MAPKAPK2: variants seen among roughly 807,000 people sequenced by gnomAD.
MAPKAPK2 encodes MAPK activated protein kinase 2.
MAPKAPK2 carries 9 observed loss-of-function variants against 48.8 expected under a neutral mutation model. The ratio of observed to expected loss-of-function variants is 0.18; its 90% confidence interval spans 0.11 to 0.32. The LOEUF (loss-of-function observed/expected upper bound fraction) is 0.32, where lower values mean the gene tolerates loss of function less well. MAPKAPK2 is among the 10% of genes least tolerant of loss of function. MAPKAPK2 has a pLI of 1.00. For synonymous variants in MAPKAPK2, 202 were observed against 190.6 expected, an observed-to-expected ratio of 1.06 and a Z score of -0.49; for missense variants, 331 against 498.3, an observed-to-expected ratio of 0.66 and a Z score of 3.20.
At position 206,730,758 on chromosome 1, in the gene MAPKAPK2, C is replaced by T; in HGVS notation, c.762C>T (p.Tyr254=). ...TGTGGTCCCTGGGTGTCATCATGTA[C>T]ATCCTGTGAGTGTGCTGGGGAGGGG... ...CDMWSLGVIM[Y]ILLCGYPPFY... Residue 254 remains tyrosine, a synonymous_variant, in exon 6 of 10, where the codon TAC becomes TAT. Coordinates refer to ENST00000367103, the MANE Select transcript of MAPKAPK2 (RefSeq NM_032960.4). The T allele has an allele frequency of 9.4e-7, 1 of 1,063,722 alleles. No homozygotes were observed. The highest frequency in any genetic ancestry group is 1.4e-6 in the Non-Finnish European group (1 of 712,950). 65.9% of individuals were successfully genotyped at this position (1,063,722 alleles called of 1,614,324 possible).
chr1:206,716,673 T>G (rs1403623341), intron 1 of MAPKAPK2, among the ~76,000 whole-genome samples: 2 of 152,160 alleles, frequency 1.3e-5, no homozygotes, highest in Non-Finnish European at 2.9e-5. Flanking sequence ...AATTTTAGAT[T>G]TGCTTTGGCA....
chr1:206,728,634 T>A, intron 1 of MAPKAPK2, 76 bp from the exon 2 acceptor site: 4 of 1,528,672 alleles, frequency 2.6e-6, no homozygotes, highest in Non-Finnish European at 3.5e-6. Context: ...GGTGGCGATG[T>A]CAGGGCATGT....
At chr1:206,717,575 C>CCCTGGGAAG (rs1673375630) in intron 1 of MAPKAPK2, among the ~76,000 whole-genome samples, 1 of 152,216 alleles carries the variant, frequency 6.6e-6, no homozygotes, top group Non-Finnish European at 1.5e-5. Flanking sequence ...CTTAGGGTTA[C>CCCTGGGAAG]ATCCTCTGGG....
intron 1 of MAPKAPK2, among the ~76,000 whole-genome samples, chr1:206,722,250 C>T (rs1553431307): frequency 6.6e-6 from 1 of 152,044 alleles, no homozygotes; most frequent in African/African-American, 2.4e-5. Flanking sequence ...GTCCCAGCTA[C>T]TCGGGAAGCT....
intron 1 of MAPKAPK2, among the ~76,000 whole-genome samples, chr1:206,699,834 AG>A (rs1292792425): frequency 2.0e-5 from 3 of 152,166 alleles, no homozygotes; most frequent in African/African-American, 7.2e-5. Flanking sequence ...CCGTTAGTGC[AG>A]ATGGGAAAGT....
At chr1:206,698,030 C>G (rs1266929963) in intron 1 of MAPKAPK2, among the ~76,000 whole-genome samples, 2 of 152,242 alleles carry the variant, frequency 1.3e-5, no homozygotes, top group African/African-American at 4.8e-5. Context: ...TAACCTGATG[C>G]TGGGAAACAA....
In MAPKAPK2 at chr1:206,731,744, G is replaced by C. The variant is rs926328091; in HGVS notation, c.978+19G>C. 2 of 1,613,086 alleles carry C rather than the reference G, an allele frequency of 1.2e-6. No homozygotes were observed. The highest frequency in any genetic ancestry group is 2.7e-5 in the African/African-American group (2 of 74,862). ...GATCATGGTAAGCTCGGCAGGCTGGGGAGCCTTGGGTCTCACGGGACTATT... is the reference window on the plus strand; with the variant it reads ...GATCATGGTAAGCTCGGCAGGCTGGCGAGCCTTGGGTCTCACGGGACTATT... On this transcript the variant is annotated intron_variant, in intron 8 of 9. Transcript: ENST00000367103. The surrounding 1 kb of genome is among the most constrained non-coding windows in gnomAD (Gnocchi z 5.9).
At chr1:206,729,521 C>T (rs1673829634) in intron 4 of MAPKAPK2, 46 bp downstream of exon 4, 1 of 1,546,342 alleles carries the variant, frequency 6.5e-7, no homozygotes, top group African/African-American at 1.4e-5. Flanking sequence ...TGGGGGGCAA[C>T]AAAGGGGCTG....
rs782683739 is a variant in MAPKAPK2, at chr1:206,731,403, C to T, written c.892+141C>T. 6.1e-5 allele frequency: 89 copies of T among 1,453,916 alleles called. No individual in the cohort carries two copies. The Middle Eastern group carries it at 6.9e-4, about 11-fold the overall frequency. The allele number at this position is 1,453,916 out of a possible 1,614,324, so 90.1% of individuals were successfully genotyped here. Reference sequence around the variant, plus strand: ...GGGTTAGCACCTATGCCCACGCCTGCGGGGTGCGTCCTGCTTCATTTTGCC... The same window carrying T: ...GGGTTAGCACCTATGCCCACGCCTGTGGGGTGCGTCCTGCTTCATTTTGCC... On this transcript the variant is annotated intron_variant, in intron 7 of 9. Transcript: ENST00000367103. The surrounding 1 kb of genome is among the most constrained non-coding windows in gnomAD (Gnocchi z 5.9).
intron 6 of MAPKAPK2, 92 bp downstream of exon 6, chr1:206,730,855 C>A: frequency 1.5e-6 from 2 of 1,375,284 alleles, no homozygotes; most frequent in Admixed American, 3.4e-5. Context: ...CGTTAGCATT[C>A]CCCTTTGTAC....
chr1:206,688,121 T>C (rs1463089615), intron 1 of MAPKAPK2, among the ~76,000 whole-genome samples: 1 of 152,200 alleles, frequency 6.6e-6, no homozygotes, highest in East Asian at 1.9e-4. Context: ...TGCTTTGACC[T>C]CACCTCACCA....
Position 206,733,758 on chromosome 1 carries a change from G to A in MAPKAPK2, c.*1040G>A, listed in dbSNP as rs1477941740. 1 of 152,810 alleles carries A rather than the reference G, an allele frequency of 6.5e-6. No homozygotes were observed. Among genetic ancestry groups the A allele is most frequent in the Non-Finnish European group, 1.5e-5 (1 of 68,056 alleles). 9.5% of individuals were successfully genotyped at this position (152,810 alleles called of 1,614,324 possible). On this transcript the variant is annotated 3_prime_UTR_variant, in exon 10 of 10. Transcript: ENST00000367103. ...CCGCCCAGCTCATGTAGGTGAGCCT[G>A]GGCAGCTTCTGTTGGCAGAGCTTTT...
chr1:206,712,582 A>G (rs1234263013), intron 1 of MAPKAPK2, among the ~76,000 whole-genome samples: 2 of 143,994 alleles, frequency 1.4e-5, no homozygotes, highest in Non-Finnish European at 3.0e-5. Flanking sequence ...TGCCTCTCCC[A>G]TTGTTTTCTT....
intron 1 of MAPKAPK2, among the ~76,000 whole-genome samples, chr1:206,693,011 T>C (rs1672504551): frequency 6.6e-6 from 1 of 152,350 alleles, no homozygotes; most frequent in Middle Eastern, 3.4e-3. Context: ...GGGGAGGGGC[T>C]GAACAGGAGA....
chr1:206,728,922 C>T, intron 2 of MAPKAPK2, 73 bp downstream of exon 2: 1 of 1,611,404 alleles, frequency 6.2e-7, no homozygotes, highest in Non-Finnish European at 8.5e-7. Context: ...CCTCTGAGGA[C>T]AGCCCAGGGA....
chr1:206,724,402 G>T (rs1410569221), intron 1 of MAPKAPK2, among the ~76,000 whole-genome samples: 1 of 152,164 alleles, frequency 6.6e-6, no homozygotes, highest in African/African-American at 2.4e-5. Flanking sequence ...TGTCCACAGA[G>T]CCACTTTGGC....
chr1:206,712,731 C>T (rs1673193325), intron 1 of MAPKAPK2, among the ~76,000 whole-genome samples: 1 of 151,832 alleles, frequency 6.6e-6, no homozygotes, highest in African/African-American at 2.4e-5. Flanking sequence ...TTTGGGAGGC[C>T]GAGGTGGGTG....
chr1:206,702,539 A>G (rs543322709), intron 1 of MAPKAPK2, among the ~76,000 whole-genome samples: 1 of 152,390 alleles, frequency 6.6e-6, no homozygotes, highest in Admixed American at 6.5e-5. Flanking sequence ...GCCTCTCTGC[A>G]TCCTGCTCCG....
At chr1:206,695,624 A>G (rs1355320501) in intron 1 of MAPKAPK2, among the ~76,000 whole-genome samples, 2 of 150,404 alleles carry the variant, frequency 1.3e-5, no homozygotes, top group African/African-American at 4.9e-5. Context: ...TACCTTTTCC[A>G]CCCTGCACAG....
Sources: allele counts gnomAD v4.1 joint callset (sites outside exome capture counted in the v4.1 genomes callset), GRCh38; gene constraint gnomAD v4.1.1; non-coding constraint Gnocchi (gnomAD v3.1); transcripts MANE v1.5; gene names NCBI Gene and HGNC (gene_info 2026-07-23, HGNC 2026-07-21).